CTNND2: variants seen among roughly 807,000 people sequenced by gnomAD.
CTNND2 encodes the protein catenin delta 2, also known as catenin delta-2.
In CTNND2, 22 loss-of-function variants were observed where a neutral mutation model predicts 144.4. That is an observed-to-expected ratio of 0.15 (90% CI 0.11 to 0.22). The LOEUF is 0.22. CTNND2 is among the 10% of genes least tolerant of loss of function. CTNND2 has a pLI of 1.00. For synonymous variants in CTNND2, 751 were observed against 695.6 expected, an observed-to-expected ratio of 1.08 and a Z score of -1.25; for missense variants, 1,353 against 1,618.8, an observed-to-expected ratio of 0.84 and a Z score of 2.82.
chr5:11,802,149 G>C (rs1791722559), intron 1 of CTNND2, among the ~76,000 whole-genome samples: 1 of 152,064 alleles, frequency 6.6e-6, no homozygotes, highest in Non-Finnish European at 1.5e-5. Flanking sequence ...GGCCATGCCT[G>C]TAATCCCAGC....
At chr5:11,086,479 G>T (rs1163466281) in intron 15 of CTNND2, among the ~76,000 whole-genome samples, 1 of 152,228 alleles carries the variant, frequency 6.6e-6, no homozygotes, top group Non-Finnish European at 1.5e-5. Context: ...CTTGCAGACT[G>T]ACGGGACTGG....
chr5:11,384,415 G>T lies in CTNND2; in HGVS notation c.1177+250C>A, dbSNP rs933838613. ...GGCTGGGGAGAGGGCAGAGAGAGAA[G>T]AGAGGAGAGAAGAGAGTGATATAGG... On this transcript the variant is annotated intron_variant, in intron 7 of 21. Coordinates refer to ENST00000304623, the MANE Select transcript of CTNND2 (RefSeq NM_001332.4). The surrounding 1 kb of genome is among the most constrained non-coding windows in gnomAD (Gnocchi z 5.2). The T allele has an allele frequency of 3.8e-6, 2 of 527,408 alleles. No individual in the cohort carries two copies. The highest frequency in any genetic ancestry group is 6.7e-6 in the Non-Finnish European group (2 of 299,954). 32.7% of individuals were successfully genotyped at this position (527,408 alleles called of 1,614,324 possible).
At chr5:11,293,651 C>T (rs1465105310) in intron 9 of CTNND2, among the ~76,000 whole-genome samples, 2 of 151,310 alleles carry the variant, frequency 1.3e-5, no homozygotes, top group African/African-American at 4.9e-5. Context: ...ATGTGTAGAG[C>T]AACTGAATGA....
At chr5:11,019,577 A>G (rs1470814752) in intron 17 of CTNND2, among the ~76,000 whole-genome samples, 1 of 152,274 alleles carries the variant, frequency 6.6e-6, no homozygotes, top group African/African-American at 2.4e-5. Flanking sequence ...TCACAGTGTT[A>G]TACTAACATG....
chr5:11,474,606 C>A (rs1767542847), intron 3 of CTNND2, among the ~76,000 whole-genome samples: 1 of 152,110 alleles, frequency 6.6e-6, no homozygotes, highest in Non-Finnish European at 1.5e-5. Flanking sequence ...CAGAAGACAC[C>A]AACGCAGGTG....
At chr5:11,497,094 A>G (rs1770027255) in intron 3 of CTNND2, among the ~76,000 whole-genome samples, 1 of 152,190 alleles carries the variant, frequency 6.6e-6, no homozygotes, top group Non-Finnish European at 1.5e-5. Context: ...TGAAGGTCTG[A>G]CCAACCACTA....
At chr5:11,161,213 T>C (rs1018046213) in intron 11 of CTNND2, among the ~76,000 whole-genome samples, 12 of 152,236 alleles carry the variant, frequency 7.9e-5, no homozygotes, top group African/African-American at 2.7e-4. Context: ...AAGGAATAGC[T>C]GGGTATTAGT....
At chr5:11,897,038 TC>T (rs1737448539) in intron 1 of CTNND2, among the ~76,000 whole-genome samples, 1 of 152,184 alleles carries the variant, frequency 6.6e-6, no homozygotes, top group African/African-American at 2.4e-5. Context: ...TTGTACTATC[TC>T]TGAGACTTTT....
At chr5:11,046,712 C>T (rs1341520511) in intron 16 of CTNND2, among the ~76,000 whole-genome samples, 2 of 152,048 alleles carry the variant, frequency 1.3e-5, no homozygotes, top group East Asian at 3.8e-4. Context: ...GTATTTAAGA[C>T]CAAATAAGCA....
chr5:11,658,618 A>G (rs1261248699), intron 2 of CTNND2, among the ~76,000 whole-genome samples: 1 of 152,194 alleles, frequency 6.6e-6, no homozygotes, highest in Non-Finnish European at 1.5e-5. Context: ...ATCTTTGTCA[A>G]GGCCATAAAA....
At chr5:11,334,626 C>A (rs147579071) in intron 9 of CTNND2, among the ~76,000 whole-genome samples, 23 of 152,296 alleles carry the variant, frequency 1.5e-4, no homozygotes, top group African/African-American at 5.5e-4. Flanking sequence ...TGTCTGAATT[C>A]CGAAAATGTT....
rs534158627 is a variant in CTNND2, at chr5:11,554,806, T to C, written c.287+10138A>G. Reference sequence around the variant, plus strand: ...GAATCCAAGATACCACGTTAACAAGTAGATATTTTCATGAAAATTAACTAT... The same window carrying C: ...GAATCCAAGATACCACGTTAACAAGCAGATATTTTCATGAAAATTAACTAT... On this transcript the variant is annotated intron_variant, in intron 3 of 21. Coordinates refer to ENST00000304623, the MANE Select transcript of CTNND2 (RefSeq NM_001332.4). 3.3e-5 allele frequency among the ~76,000 whole-genome samples: 5 copies of C among 152,090 alleles called. No individual in the cohort carries two copies. In the East Asian group the frequency reaches 9.6e-4, roughly 29 times the overall value.
intron 10 of CTNND2, among the ~76,000 whole-genome samples, chr5:11,209,883 C>T (rs779514154): frequency 1.3e-5 from 2 of 152,130 alleles, no homozygotes; most frequent in Non-Finnish European, 2.9e-5. Context: ...GATCGCACCA[C>T]TGCACTCCAG....
At chr5:11,734,772 T>C (rs1343796751) in intron 1 of CTNND2, among the ~76,000 whole-genome samples, 1 of 152,194 alleles carries the variant, frequency 6.6e-6, no homozygotes, top group African/African-American at 2.4e-5. Flanking sequence ...GTTAATAATT[T>C]AGAGATATTC....
chr5:11,493,091 C>T (rs577830504), intron 3 of CTNND2, among the ~76,000 whole-genome samples: 12 of 152,120 alleles, frequency 7.9e-5, no homozygotes, highest in African/African-American at 2.2e-4. Context: ...GCCTGGATGA[C>T]GGAGTGAGAC....
intron 3 of CTNND2, among the ~76,000 whole-genome samples, chr5:11,550,373 A>C (rs1775651353): frequency 6.6e-6 from 1 of 152,234 alleles, no homozygotes; most frequent in Non-Finnish European, 1.5e-5. Context: ...CAAAAGACAA[A>C]ATTGAACTCT....
At chr5:11,255,314 T>C (rs915843888) in intron 9 of CTNND2, among the ~76,000 whole-genome samples, 36 of 152,332 alleles carry the variant, frequency 2.4e-4, no homozygotes, top group African/African-American at 7.9e-4. Flanking sequence ...TCTGCAACAG[T>C]TGGGCCTCCA....
chr5:11,018,120 A>G (rs1042361268), intron 17 of CTNND2, 62 bp from the exon 18 acceptor site: 6 of 1,127,426 alleles, frequency 5.3e-6, no homozygotes, highest in Non-Finnish European at 8.1e-6. Context: ...CATTTCTGTA[A>G]TTCTTGTAGT....
chr5:11,890,047 T>C (rs574431155), intron 1 of CTNND2, among the ~76,000 whole-genome samples: 60 of 152,208 alleles, frequency 3.9e-4, no homozygotes, highest in Non-Finnish European at 4.7e-4. Context: ...ATATATGTTG[T>C]GTACTTCCAA....
Sources: allele counts gnomAD v4.1 joint callset (sites outside exome capture counted in the v4.1 genomes callset), GRCh38; gene constraint gnomAD v4.1.1; non-coding constraint Gnocchi (gnomAD v3.1); transcripts MANE v1.5; gene names NCBI Gene and HGNC (gene_info 2026-07-23, HGNC 2026-07-21).